The following CMSS1 variants were observed in gnomAD, a reference collection of about 807,000 sequenced individuals.
CMSS1 encodes protein CMSS1.
CMSS1 carries 33 observed loss-of-function variants against 43.5 expected under a neutral mutation model. That is an observed-to-expected ratio of 0.76 (90% CI 0.57 to 1.01). The LOEUF is 1.01. Ranked by LOEUF, CMSS1 falls within the 50% of genes least tolerant of loss-of-function variation. The probability of loss-of-function intolerance (pLI) is 0.00; values close to 1 mark genes in which losing one functional copy is unlikely to be tolerated. For missense variants in CMSS1, 313 were observed against 326.4 expected (o/e 0.96, Z 0.32); for synonymous variants, 115 against 117.2 (o/e 0.98, Z 0.12).
chr3:100,111,712 A>T (rs1239132677), intron 1 of CMSS1, among the ~76,000 whole-genome samples: 1 of 152,152 alleles, frequency 6.6e-6, no homozygotes, highest in Non-Finnish European at 1.5e-5. Flanking sequence ...TCTGTCTTAG[A>T]CTTCCTGTCT....
chr3:100,080,037 CA>C (rs1217386728), intron 1 of CMSS1, among the ~76,000 whole-genome samples: 1 of 152,150 alleles, frequency 6.6e-6, no homozygotes, highest in Non-Finnish European at 1.5e-5. Context: ...TTAAATGCTT[CA>C]CAAAATTAAC....
intron 1 of CMSS1, among the ~76,000 whole-genome samples, chr3:100,012,466 TA>T (rs746351187): frequency 3.3e-5 from 5 of 152,046 alleles, no homozygotes; most frequent in Non-Finnish European, 7.3e-5. Context: ...TAGTATTTTC[TA>T]ACTTTGGAGG....
intron 1 of CMSS1, among the ~76,000 whole-genome samples, chr3:99,878,532 T>A (rs1356448083): frequency 1.3e-5 from 2 of 152,222 alleles, no homozygotes; most frequent in Non-Finnish European, 2.9e-5. Context: ...GTTCAGAATC[T>A]CTCAGAGGTA....
intron 1 of CMSS1, among the ~76,000 whole-genome samples, chr3:100,139,445 G>T (rs1337671779): frequency 6.6e-6 from 1 of 150,570 alleles, no homozygotes; most frequent in Non-Finnish European, 1.5e-5. Context: ...ACCTTGGGAG[G>T]CTGAGATGAG....
At chr3:99,847,987 C>A in intron 1 of CMSS1, 1 of 1,069,230 alleles carries the variant, frequency 9.4e-7, no homozygotes. Context: ...AGACAAGTTG[C>A]AGTCAAATTA....
chr3:99,946,964 G>A (rs1482820935), intron 1 of CMSS1, among the ~76,000 whole-genome samples: 1 of 151,730 alleles, frequency 6.6e-6, no homozygotes. Flanking sequence ...GCAAAACCCC[G>A]CCTCTACTAA....
intron 1 of CMSS1, among the ~76,000 whole-genome samples, chr3:99,938,126 T>A (rs529521381): frequency 6.6e-6 from 1 of 152,130 alleles, no homozygotes; most frequent in Non-Finnish European, 1.5e-5. Context: ...GGAAGAAATG[T>A]TAGATCCACG....
At chr3:99,894,683 T>C (rs984326048) in intron 1 of CMSS1, among the ~76,000 whole-genome samples, 1 of 152,182 alleles carries the variant, frequency 6.6e-6, no homozygotes, top group African/African-American at 2.4e-5. Flanking sequence ...AAAACGATAT[T>C]ATTAATTATG....
At chr3:100,012,695 T>C (rs569600014) in intron 1 of CMSS1, among the ~76,000 whole-genome samples, 3 of 152,032 alleles carry the variant, frequency 2.0e-5, no homozygotes, top group African/African-American at 7.2e-5. Flanking sequence ...ATAAAATCAG[T>C]TGACATCAAG....
chr3:100,095,799 C>T (rs1281405895), intron 1 of CMSS1, among the ~76,000 whole-genome samples: 2 of 151,982 alleles, frequency 1.3e-5, no homozygotes, highest in Non-Finnish European at 2.9e-5. Flanking sequence ...AAAGCTTCTG[C>T]CCAGCAAAGG....
intron 1 of CMSS1, among the ~76,000 whole-genome samples, chr3:99,938,186 G>T (rs1022704173): frequency 6.6e-6 from 1 of 152,044 alleles, no homozygotes; most frequent in African/African-American, 2.4e-5. Context: ...GTAAACTTTC[G>T]ATCATAAATA....
At chr3:100,109,227 A>G (rs550534677) in intron 1 of CMSS1, among the ~76,000 whole-genome samples, 2 of 152,106 alleles carry the variant, frequency 1.3e-5, no homozygotes, top group African/African-American at 2.4e-5. Flanking sequence ...CCTAAAAAAA[A>G]ATTTTTCAAT....
rs531005443 is a variant in CMSS1 at position 99,929,600 on chromosome 3, G to A, written c.64+111557G>A. ...TGTGTGTATGTGCCTGCACATGCACGTGAGAGTGGGGAGCATTCTCTGGCA... is the reference window on the plus strand; with the variant it reads ...TGTGTGTATGTGCCTGCACATGCACATGAGAGTGGGGAGCATTCTCTGGCA... On this transcript the variant is annotated intron_variant, in intron 1 of 9. Coordinates refer to ENST00000421999, the MANE Select transcript of CMSS1 (RefSeq NM_032359.4). 3.9e-5 allele frequency among the ~76,000 whole-genome samples: 6 copies of A among 152,134 alleles called. No individual in the cohort carries two copies. The South Asian group carries it at 6.2e-4, about 16-fold the overall frequency.
chr3:100,158,539 T>C (rs1029187983), intron 2 of CMSS1, among the ~76,000 whole-genome samples: 5 of 152,244 alleles, frequency 3.3e-5, no homozygotes, highest in African/African-American at 1.2e-4. Context: ...CTCACCTCTA[T>C]GGAAATTGAC....
chr3:100,121,053 C>G (rs1019080656), intron 1 of CMSS1, among the ~76,000 whole-genome samples: 9 of 152,170 alleles, frequency 5.9e-5, no homozygotes, highest in Non-Finnish European at 1.3e-4. Flanking sequence ...AGATAAACCA[C>G]TTACGTCACA....
At chr3:99,925,531 C>T (rs1032652951) in intron 1 of CMSS1, among the ~76,000 whole-genome samples, 2 of 152,156 alleles carry the variant, frequency 1.3e-5, no homozygotes, top group African/African-American at 4.8e-5. Flanking sequence ...TTTGGTCACA[C>T]ATCTGCCTTT....
At chr3:99,863,297 G>A (rs1033006399) in intron 1 of CMSS1, among the ~76,000 whole-genome samples, 12 of 152,200 alleles carry the variant, frequency 7.9e-5, no homozygotes, top group African/African-American at 2.9e-4. Flanking sequence ...AGTTCAGGCA[G>A]TAATGCTGCC....
chr3:100,035,680 T>A (rs1208487806), intron 1 of CMSS1, among the ~76,000 whole-genome samples: 1 of 152,252 alleles, frequency 6.6e-6, no homozygotes, highest in Non-Finnish European at 1.5e-5. Flanking sequence ...GAAACTTTTA[T>A]CATTCTGATA....
In CMSS1 at chr3:100,151,238, G is replaced by A. The variant is rs1479084653; in HGVS notation, c.153+4177G>A. On this transcript the variant is annotated intron_variant, in intron 2 of 9. Transcript: ENST00000421999. ...CATTATGGTTTCTCAGTTCTGTTCT[G>A]TGTATTAATCTATTGTTTCATTGAC... Among the ~76,000 whole-genome samples the A allele has an allele frequency of 2.6e-5, 4 of 152,138 alleles. No individual in the cohort carries two copies. The South Asian group carries it at 6.2e-4, about 24-fold the overall frequency.
Sources: allele counts gnomAD v4.1 joint callset (sites outside exome capture counted in the v4.1 genomes callset), GRCh38; gene constraint gnomAD v4.1.1; transcripts MANE v1.5; gene names NCBI Gene and HGNC (gene_info 2026-07-23, HGNC 2026-07-21).